Variants in PLPPR1 observed in about 807,000 individuals in gnomAD.
PLPPR1 encodes the protein phospholipid phosphatase-related protein type 1.
Under a neutral mutation model 33.1 loss-of-function variants are expected in PLPPR1, and 10 were observed. The ratio of observed to expected loss-of-function variants is 0.30; its 90% confidence interval spans 0.19 to 0.51. The LOEUF (loss-of-function observed/expected upper bound fraction) is 0.51, where lower values mean the gene tolerates loss of function less well. Among genes scored for constraint, PLPPR1 ranks in the 20% least tolerant of loss-of-function variants. PLPPR1 has a pLI of 0.97. For synonymous variants in PLPPR1, 151 were observed against 151.0 expected, an observed-to-expected ratio of 1.00 and a Z score of 0.00; for missense variants, 304 against 408.1, an observed-to-expected ratio of 0.74 and a Z score of 2.20.
chr9:101,089,114 A>G (rs1407944990), intron 1 of PLPPR1, among the ~76,000 whole-genome samples: 1 of 152,158 alleles, frequency 6.6e-6, no homozygotes, highest in Non-Finnish European at 1.5e-5. Context: ...AACTTTTATT[A>G]ACTATGTAGT....
intron 4 of PLPPR1, among the ~76,000 whole-genome samples, chr9:101,307,839 C>T (rs1043484416): frequency 1.6e-4 from 24 of 152,286 alleles, no homozygotes; most frequent in African/African-American, 5.5e-4. Flanking sequence ...TGCTGCCTCT[C>T]GCACTTGTCA....
intron 1 of PLPPR1, among the ~76,000 whole-genome samples, chr9:101,108,351 C>T (rs116488193): frequency 4.6e-5 from 7 of 152,178 alleles, no homozygotes; most frequent in African/African-American, 9.7e-5. Context: ...TATTCTACTT[C>T]GTATTCCTGA....
At position 101,047,177 on chromosome 9, in the gene PLPPR1, T is replaced by C. The variant is rs149614366; in HGVS notation, c.-46+18075T>C. Reference sequence around the variant, plus strand: ...ATGATTTATAGTTTTTTGAGTCTTATTTTTACTCTGAGATTCCCCTCCTCT... The same window carrying C: ...ATGATTTATAGTTTTTTGAGTCTTACTTTTACTCTGAGATTCCCCTCCTCT... On this transcript the variant is annotated intron_variant, in intron 1 of 7. Coordinates refer to ENST00000374874, the MANE Select transcript of PLPPR1 (RefSeq NM_207299.2). Among the ~76,000 whole-genome samples the C allele has an allele frequency of 1.3e-3, 197 of 152,338 alleles. 1 individual carries two copies. The highest frequency in any genetic ancestry group is 4.5e-3 in the African/African-American group (188 of 41,580).
At chr9:101,132,189 A>G (rs921970528) in intron 1 of PLPPR1, among the ~76,000 whole-genome samples, 1 of 152,146 alleles carries the variant, frequency 6.6e-6, no homozygotes, top group Non-Finnish European at 1.5e-5. Flanking sequence ...GGACAACACT[A>G]TTTCACTGTT....
At chr9:101,180,066 T>C (rs1826075103) in intron 1 of PLPPR1, among the ~76,000 whole-genome samples, 1 of 143,952 alleles carries the variant, frequency 6.9e-6, no homozygotes, top group Non-Finnish European at 1.5e-5. Flanking sequence ...CATGTGACTG[T>C]GTGAGTTAAT....
chr9:101,062,384 A>C (rs528433399), intron 1 of PLPPR1, among the ~76,000 whole-genome samples: 3 of 152,002 alleles, frequency 2.0e-5, no homozygotes, highest in Non-Finnish European at 2.9e-5. Flanking sequence ...GATTGCCTGG[A>C]TTTTAGTTTA....
chr9:101,220,222 A>C (rs1263925532), intron 2 of PLPPR1, among the ~76,000 whole-genome samples: 2 of 152,290 alleles, frequency 1.3e-5, no homozygotes, highest in East Asian at 3.9e-4. Flanking sequence ...AAATTGCTTC[A>C]ATTGAGAACC....
At chr9:101,187,391 A>G (rs2771062) in intron 2 of PLPPR1, 108,030 of 151,298 alleles carry the variant, frequency 0.71, 39,214 homozygotes, top group Non-Finnish European at 0.78. Context: ...CAAAGGAGAT[A>G]AATTAGTTCT....
chr9:101,237,532 T>A (rs1394181050), intron 2 of PLPPR1, among the ~76,000 whole-genome samples: 1 of 150,506 alleles, frequency 6.6e-6, no homozygotes, highest in African/African-American at 2.4e-5. Context: ...TTTCTCTGAT[T>A]TAAGTCTCTT....
chr9:101,047,153 T>A (rs1830162117), intron 1 of PLPPR1, among the ~76,000 whole-genome samples: 1 of 152,196 alleles, frequency 6.6e-6, no homozygotes, highest in Non-Finnish European at 1.5e-5. Context: ...CCCAGCAGAA[T>A]GATTTATAGT....
intron 1 of PLPPR1, among the ~76,000 whole-genome samples, chr9:101,109,737 T>G (rs2118572050): frequency 6.6e-6 from 1 of 152,332 alleles, no homozygotes; most frequent in African/African-American, 2.4e-5. Flanking sequence ...TAATCGCTGT[T>G]AGTATTCTTG....
At chr9:101,233,071 C>A (rs1360698743) in intron 2 of PLPPR1, among the ~76,000 whole-genome samples, 3 of 151,996 alleles carry the variant, frequency 2.0e-5, no homozygotes, top group Admixed American at 2.0e-4. Flanking sequence ...ATACATAGGA[C>A]TAATCTTTCC....
At chr9:101,202,387 T>C (rs1449202264) in intron 2 of PLPPR1, among the ~76,000 whole-genome samples, 2 of 152,238 alleles carry the variant, frequency 1.3e-5, no homozygotes, top group African/African-American at 4.8e-5. Flanking sequence ...TTGTCTTCTC[T>C]TGTCTTACCT....
chr9:101,179,256 T>C (rs113896848), intron 1 of PLPPR1, among the ~76,000 whole-genome samples: 2,984 of 152,194 alleles, frequency 0.02, 104 homozygotes, highest in African/African-American at 0.069. Context: ...GCCCAGACCC[T>C]TCAGGAATGA....
intron 1 of PLPPR1, among the ~76,000 whole-genome samples, chr9:101,172,232 C>A (rs992206124): frequency 7.2e-5 from 11 of 151,854 alleles, no homozygotes; most frequent in Non-Finnish European, 1.2e-4. Flanking sequence ...GAGGCCCCAA[C>A]ACCAGGGAAA....
intron 1 of PLPPR1, among the ~76,000 whole-genome samples, chr9:101,045,786 T>C (rs1177902640): frequency 6.6e-6 from 1 of 152,200 alleles, no homozygotes; most frequent in Non-Finnish European, 1.5e-5. Flanking sequence ...GGAAAGATAT[T>C]TAACCTCTCT....
chr9:101,267,154 G>A lies in PLPPR1; in HGVS notation c.64-2726G>A, dbSNP rs539588687. Among the ~76,000 whole-genome samples, 7 of 152,280 alleles carry A rather than the reference G, an allele frequency of 4.6e-5. No individual in the cohort carries two copies. In the East Asian group the frequency reaches 1.4e-3, roughly 29 times the overall value. ...AGAGCCTTAAAACTGTTGGAAGCCT[G>A]GTGTTATTTCATCTTCAAAACATCA... On this transcript the variant is annotated intron_variant, in intron 2 of 7. Coordinates refer to ENST00000374874, the MANE Select transcript of PLPPR1 (RefSeq NM_207299.2).
chr9:101,257,606 C>A (rs954200316), intron 2 of PLPPR1, among the ~76,000 whole-genome samples: 3 of 152,140 alleles, frequency 2.0e-5, no homozygotes, highest in Non-Finnish European at 4.4e-5. Flanking sequence ...CTTTAGTGTT[C>A]ATCTAAGCCA....
At chr9:101,164,612 C>T (rs1009404244) in intron 1 of PLPPR1, among the ~76,000 whole-genome samples, 1 of 152,074 alleles carries the variant, frequency 6.6e-6, no homozygotes, top group African/African-American at 2.4e-5. Context: ...AAGTGATCTA[C>T]CTGCCTCGGC....
Sources: allele counts gnomAD v4.1 joint callset (sites outside exome capture counted in the v4.1 genomes callset), GRCh38; gene constraint gnomAD v4.1.1; transcripts MANE v1.5; gene names NCBI Gene and HGNC (gene_info 2026-07-23, HGNC 2026-07-21).